The following CTNNA3 variants were observed in gnomAD, a reference collection of about 807,000 sequenced individuals.
CTNNA3 encodes catenin alpha 3.
Under a neutral mutation model 95.7 loss-of-function variants are expected in CTNNA3, and 76 were observed. That is an observed-to-expected ratio of 0.79 (90% CI 0.66 to 0.96). The LOEUF is 0.96. Ranked by LOEUF, CTNNA3 falls within the 40% of genes least tolerant of loss-of-function variation. CTNNA3 has a pLI of 0.00. For missense variants in CTNNA3, 1,191 were observed against 1,089.8 expected (o/e 1.09, Z -1.31); for synonymous variants, 431 against 374.4 (o/e 1.15, Z -1.74).
chr10:67,494,733 T>A (rs1255741336), intron 5 of CTNNA3, among the ~76,000 whole-genome samples: 3 of 152,214 alleles, frequency 2.0e-5, no homozygotes, highest in Admixed American at 6.5e-5. Flanking sequence ...AAAGACAGAC[T>A]AACCCATCAA....
intron 1 of CTNNA3, chr10:67,750,148 T>C: frequency 1.2e-6 from 1 of 857,820 alleles, no homozygotes; most frequent in Non-Finnish European, 1.9e-6. Context: ...CTTTAAGAGC[T>C]GTAACAGTTA....
chr10:67,729,906 T>G (rs1170131291), intron 1 of CTNNA3, among the ~76,000 whole-genome samples: 1 of 152,140 alleles, frequency 6.6e-6, no homozygotes, highest in Non-Finnish European at 1.5e-5. Context: ...TAAAAAATAA[T>G]GGCAAGAAAA....
intron 9 of CTNNA3, among the ~76,000 whole-genome samples, chr10:66,763,337 C>CAGAGAGAGAGAGAGAGAGAG (rs1204351413): frequency 7.9e-6 from 1 of 126,524 alleles, no homozygotes; most frequent in African/African-American, 2.8e-5. Context: ...CACACACACA[C>CAGAGAGAGAGAGAGAGAGAG]ACACAGAGAG....
chr10:66,734,835 C>G (rs1849079473), intron 9 of CTNNA3, among the ~76,000 whole-genome samples: 1 of 149,370 alleles, frequency 6.7e-6, no homozygotes, highest in South Asian at 2.1e-4. Flanking sequence ...TGCACTCCAG[C>G]CTGGGCAACA....
At chr10:66,379,099 T>C in intron 12 of CTNNA3, 53 bp downstream of exon 12, 1 of 1,390,172 alleles carries the variant, frequency 7.2e-7, no homozygotes, top group Non-Finnish European at 1.0e-6. Flanking sequence ...TATTCGTAGC[T>C]ATGTAGATTC....
At chr10:67,461,451 TAAAGA>T (rs940006321) in intron 5 of CTNNA3, among the ~76,000 whole-genome samples, 10 of 152,138 alleles carry the variant, frequency 6.6e-5, no homozygotes, top group African/African-American at 2.4e-4. Context: ...CACAGTAAGA[TAAAGA>T]AAAGTGAAAA....
intron 11 of CTNNA3, among the ~76,000 whole-genome samples, chr10:66,452,751 T>G (rs554789830): frequency 6.6e-6 from 1 of 152,276 alleles, no homozygotes; most frequent in Non-Finnish European, 1.5e-5. Flanking sequence ...TGCCTTCTGA[T>G]GGACCAGGTG....
chr10:66,448,450 G>T (rs7392875), intron 11 of CTNNA3, among the ~76,000 whole-genome samples: 9,415 of 152,152 alleles, frequency 0.062, 585 homozygotes, highest in East Asian at 0.23. Flanking sequence ...GCGATAGACT[G>T]GATTAAGAAA....
chr10:67,272,578 T>C (rs775939492), intron 5 of CTNNA3, among the ~76,000 whole-genome samples: 1 of 152,006 alleles, frequency 6.6e-6, no homozygotes, highest in Non-Finnish European at 1.5e-5. Flanking sequence ...ATAAATAAAA[T>C]GCCCATTAAA....
chr10:66,617,512 T>C (rs141142760), intron 10 of CTNNA3, among the ~76,000 whole-genome samples: 59 of 152,068 alleles, frequency 3.9e-4, no homozygotes, highest in African/African-American at 1.3e-3. Flanking sequence ...ATTCAACAAC[T>C]CTTCATGCTA....
chr10:66,731,740 T>C (rs781116670), intron 9 of CTNNA3, among the ~76,000 whole-genome samples: 7 of 152,302 alleles, frequency 4.6e-5, no homozygotes, highest in East Asian at 3.9e-4. Flanking sequence ...GCTTTTGCTA[T>C]GGGAAAGGGG....
At chr10:66,433,965 T>C (rs11814960) in intron 11 of CTNNA3, among the ~76,000 whole-genome samples, 6,687 of 152,250 alleles carry the variant, frequency 0.044, 389 homozygotes, top group East Asian at 0.23. Context: ...ATGTGTGGTG[T>C]TATTTCTGAG....
chr10:66,000,334 C>T (rs935176669), intron 15 of CTNNA3, among the ~76,000 whole-genome samples: 9 of 151,918 alleles, frequency 5.9e-5, no homozygotes, highest in South Asian at 2.1e-4. Flanking sequence ...TTGATTAAAA[C>T]GAGAAAGAAG....
chr10:66,342,252 G>A (rs929263294), intron 12 of CTNNA3, among the ~76,000 whole-genome samples: 2 of 151,928 alleles, frequency 1.3e-5, no homozygotes, highest in African/African-American at 4.8e-5. Context: ...TTTAAACGCT[G>A]GGATCATGTC....
At chr10:66,720,742 G>T (rs925616178) in intron 9 of CTNNA3, among the ~76,000 whole-genome samples, 39 of 152,130 alleles carry the variant, frequency 2.6e-4, no homozygotes, top group Admixed American at 1.4e-3. Context: ...GCTGAGGCAG[G>T]AGAATTGCTT....
chr10:67,105,349 C>T (rs1203455407), intron 7 of CTNNA3, among the ~76,000 whole-genome samples: 1 of 151,950 alleles, frequency 6.6e-6, no homozygotes, highest in Non-Finnish European at 1.5e-5. Context: ...ACTGAATAGA[C>T]AGAGAAAAAG....
intron 15 of CTNNA3, among the ~76,000 whole-genome samples, chr10:66,016,349 C>T (rs2079095971): frequency 6.6e-6 from 1 of 152,152 alleles, no homozygotes; most frequent in Non-Finnish European, 1.5e-5. Context: ...CTATGAATGA[C>T]ATATGCCCTT....
Position 67,701,277 on chromosome 10 carries a change from T to C in CTNNA3, c.-1-53763A>G, listed in dbSNP as rs183262296. Among the ~76,000 whole-genome samples the C allele has an allele frequency of 5.1e-4, 77 of 152,050 alleles. 1 individual carries two copies. The East Asian group carries it at 0.014, about 28-fold the overall frequency. Reference sequence around the variant, plus strand: ...TCAGACTCAGGAAATACAGAGAATGTCACAAAGATACTCCTCGAGAAGAGC... The same window carrying C: ...TCAGACTCAGGAAATACAGAGAATGCCACAAAGATACTCCTCGAGAAGAGC... On this transcript the variant is annotated intron_variant, in intron 1 of 17. Transcript: ENST00000684154.
intron 7 of CTNNA3, among the ~76,000 whole-genome samples, chr10:66,868,200 T>C (rs867758043): frequency 6.8e-6 from 1 of 148,004 alleles, no homozygotes; most frequent in Non-Finnish European, 1.5e-5. Context: ...CTACTAAAAA[T>C]ACAAAACATA....
Sources: gnomAD v4.1 joint callset for allele counts (sites outside exome capture counted in the v4.1 genomes callset) on GRCh38, gnomAD v4.1.1 for gene constraint, MANE v1.5 for transcripts, NCBI Gene and HGNC (gene_info 2026-07-23, HGNC 2026-07-21) for gene names.